RORA: variants seen among roughly 807,000 people sequenced by gnomAD.
RORA encodes nuclear receptor ROR-alpha.
In RORA, 7 loss-of-function variants were observed where a neutral mutation model predicts 69.5. The observed-to-expected ratio is 0.10, with a 90% CI of 0.06 to 0.19. The LOEUF (loss-of-function observed/expected upper bound fraction) is 0.19. Ranked by LOEUF, RORA falls within the 10% of genes least tolerant of loss-of-function variation. The pLI is 1.00. For synonymous variants in RORA, 261 were observed against 240.8 expected (o/e 1.08, Z -0.78); for missense variants, 457 against 663.0 (o/e 0.69, Z 3.41).
intron 1 of RORA, among the ~76,000 whole-genome samples, chr15:60,922,885 T>C (rs750774516): frequency 6.6e-6 from 1 of 152,238 alleles, no homozygotes; most frequent in Non-Finnish European, 1.5e-5. Context: ...AGACTGTGAA[T>C]ACAAATGGCA....
chr15:61,132,800 A>T (rs1443750887), intron 1 of RORA, among the ~76,000 whole-genome samples: 1 of 152,222 alleles, frequency 6.6e-6, no homozygotes, highest in East Asian at 1.9e-4. Flanking sequence ...AACGCAGCCC[A>T]TAAATTTGGT....
At position 60,861,266 on chromosome 15, in the gene RORA, G is replaced by GA. The variant is rs201036617; in HGVS notation, c.167-182581dup. ...GGCTTAATGTCAATAACATATCTCA[G>GA]AAAAAAAATGTGCTTATCTCTTGAT... On this transcript the variant is annotated intron_variant, in intron 1 of 10. Transcript: ENST00000335670. Among the ~76,000 whole-genome samples the GA allele has an allele frequency of 3.6e-3, 547 of 151,912 alleles. 4 individuals carry two copies. The highest frequency in any genetic ancestry group is 0.012 in the African/African-American group (516 of 41,454).
At chr15:60,668,488 C>T (rs928947821) in intron 2 of RORA, among the ~76,000 whole-genome samples, 1 of 152,108 alleles carries the variant, frequency 6.6e-6, no homozygotes, top group African/African-American at 2.4e-5. Flanking sequence ...TGTGGAGAAA[C>T]CCTCCAGGGA....
chr15:60,596,425 A>C (rs2068667308), intron 2 of RORA, among the ~76,000 whole-genome samples: 2 of 152,290 alleles, frequency 1.3e-5, no homozygotes, highest in Non-Finnish European at 2.9e-5. Context: ...ATCCTTAGCC[A>C]CCACTGCACT....
chr15:60,752,030 C>A (rs1270663555), intron 1 of RORA, among the ~76,000 whole-genome samples: 2 of 151,916 alleles, frequency 1.3e-5, no homozygotes, highest in Non-Finnish European at 2.9e-5. Context: ...GAGAGAAGGG[C>A]CATCAATAAG....
At chr15:60,916,516 C>G (rs1891877035) in intron 1 of RORA, among the ~76,000 whole-genome samples, 1 of 152,082 alleles carries the variant, frequency 6.6e-6, no homozygotes. Flanking sequence ...CTCCCTTTGC[C>G]CCGAAATATG....
At chr15:61,088,447 G>T (rs1224188729) in intron 1 of RORA, among the ~76,000 whole-genome samples, 1 of 152,166 alleles carries the variant, frequency 6.6e-6, no homozygotes, top group Non-Finnish European at 1.5e-5. Flanking sequence ...CATGTAGTTT[G>T]GTACTAAAGA....
At chr15:60,961,526 C>T (rs1394819455) in intron 1 of RORA, among the ~76,000 whole-genome samples, 1 of 152,228 alleles carries the variant, frequency 6.6e-6, no homozygotes, top group Non-Finnish European at 1.5e-5. Flanking sequence ...GAAGTAACCA[C>T]ACTTGTGTTG....
chr15:60,713,289 T>C (rs1428362035), intron 1 of RORA, among the ~76,000 whole-genome samples: 1 of 152,142 alleles, frequency 6.6e-6, no homozygotes, highest in East Asian at 1.9e-4. Flanking sequence ...AAGAGGTCAC[T>C]TGGTTTGAGG....
At chr15:60,763,341 C>T (rs918056697) in intron 1 of RORA, among the ~76,000 whole-genome samples, 4 of 151,968 alleles carry the variant, frequency 2.6e-5, no homozygotes, top group Admixed American at 2.6e-4. Context: ...TTGGGTTAAC[C>T]GGTCCTTGGA....
intron 2 of RORA, among the ~76,000 whole-genome samples, chr15:60,624,403 G>A (rs1234092484): frequency 2.8e-5 from 4 of 142,168 alleles, no homozygotes; most frequent in African/African-American, 1.1e-4. Flanking sequence ...TGAATCCAGG[G>A]ACACGACCCG....
intron 1 of RORA, among the ~76,000 whole-genome samples, chr15:61,153,045 A>G (rs140121246): frequency 7.7e-4 from 117 of 152,258 alleles, no homozygotes; most frequent in African/African-American, 2.5e-3. Flanking sequence ...TACCAGGTCA[A>G]CTAAGGGGGA....
At chr15:60,713,133 T>G (rs979941044) in intron 1 of RORA, among the ~76,000 whole-genome samples, 5 of 152,222 alleles carry the variant, frequency 3.3e-5, no homozygotes, top group Admixed American at 6.5e-5. Flanking sequence ...AGATGATAGT[T>G]ATTAATATAA....
chr15:60,558,646 G>A (rs1212908671), intron 2 of RORA, among the ~76,000 whole-genome samples: 2 of 152,182 alleles, frequency 1.3e-5, no homozygotes, highest in African/African-American at 4.8e-5. Flanking sequence ...TAAAGATGGT[G>A]AATACCACCT....
chr15:60,733,426 T>C (rs963020294), intron 1 of RORA, among the ~76,000 whole-genome samples: 5 of 152,220 alleles, frequency 3.3e-5, no homozygotes, highest in African/African-American at 2.4e-5. Flanking sequence ...ACTCATGTCA[T>C]GCCAGACTTC....
At position 61,128,458 on chromosome 15, in the gene RORA, C is replaced by T. The variant is rs1235322189; in HGVS notation, c.166+100595G>A. 1.3e-5 allele frequency among the ~76,000 whole-genome samples: 2 copies of T among 152,148 alleles called. No individual in the cohort carries two copies. The highest frequency in any genetic ancestry group is 4.8e-5 in the African/African-American group (2 of 41,416). On this transcript the variant is annotated intron_variant, in intron 1 of 10. Transcript: ENST00000335670. The surrounding 1 kb of genome is among the most constrained non-coding windows in gnomAD (Gnocchi z 4.5). ...GCAGTTAACCACTTACAGGGCCAGTCACTGGAATTCCCTGGGCATCCACAC... is the reference window on the plus strand; with the variant it reads ...GCAGTTAACCACTTACAGGGCCAGTTACTGGAATTCCCTGGGCATCCACAC...
chr15:61,220,108 G>C (rs569274400), intron 1 of RORA, among the ~76,000 whole-genome samples: 1 of 152,350 alleles, frequency 6.6e-6, no homozygotes, highest in East Asian at 1.9e-4. Flanking sequence ...ATGAGTGCCA[G>C]AAATGGTAAA....
At chr15:61,056,438 G>T (rs955171176) in intron 1 of RORA, among the ~76,000 whole-genome samples, 1 of 152,054 alleles carries the variant, frequency 6.6e-6, no homozygotes. Context: ...TCAAACAGAA[G>T]AAAGTAAAAA....
intron 1 of RORA, among the ~76,000 whole-genome samples, chr15:60,877,424 T>C (rs1448427264): frequency 6.6e-6 from 1 of 152,136 alleles, no homozygotes; most frequent in Non-Finnish European, 1.5e-5. Flanking sequence ...AGTGTTCTTA[T>C]GACTTTTTTT....
Sources: gnomAD v4.1 joint callset for allele counts (sites outside exome capture counted in the v4.1 genomes callset) on GRCh38, gnomAD v4.1.1 for gene constraint, Gnocchi (gnomAD v3.1) non-coding constraint, MANE v1.5 for transcripts, NCBI Gene and HGNC (gene_info 2026-07-23, HGNC 2026-07-21) for gene names.